MAP4K4: variants seen among roughly 807,000 people sequenced by gnomAD.
MAP4K4 encodes the protein mitogen-activated protein kinase kinase kinase kinase 4.
A neutral mutation model predicts 189.6 loss-of-function variants in MAP4K4; 38 were observed. That is an observed-to-expected ratio of 0.20 (90% confidence interval 0.15 to 0.26). The LOEUF is 0.26. Among genes scored for constraint, MAP4K4 ranks in the 10% least tolerant of loss-of-function variants. The probability of loss-of-function intolerance (pLI) is 1.00; values close to 1 mark genes in which losing one functional copy is unlikely to be tolerated. For missense variants in MAP4K4, 1,054 were observed against 1,726.9 expected, an observed-to-expected ratio of 0.61 and a Z score of 6.91; for synonymous variants, 610 against 624.3, an observed-to-expected ratio of 0.98 and a Z score of 0.34.
intron 3 of MAP4K4, among the ~76,000 whole-genome samples, chr2:101,822,520 T>C (rs1195979977): frequency 1.3e-5 from 2 of 152,220 alleles, no homozygotes; most frequent in Non-Finnish European, 2.9e-5. Context: ...TAACTGAAGT[T>C]CGTATTTTAA....
intron 2 of MAP4K4, among the ~76,000 whole-genome samples, chr2:101,775,643 A>C (rs1312404727): frequency 6.6e-6 from 1 of 152,082 alleles, no homozygotes; most frequent in Non-Finnish European, 1.5e-5. Context: ...GTGATTTGCC[A>C]TCTGTTTTAT....
intron 2 of MAP4K4, among the ~76,000 whole-genome samples, chr2:101,750,810 A>G (rs1017558434): frequency 6.6e-6 from 1 of 151,070 alleles, no homozygotes; most frequent in African/African-American, 2.4e-5. Context: ...TGGGTGACAG[A>G]GTAAGACCCT....
At chr2:101,811,631 A>G (rs1020209677) in intron 3 of MAP4K4, among the ~76,000 whole-genome samples, 1 of 151,952 alleles carries the variant, frequency 6.6e-6, no homozygotes, top group Non-Finnish European at 1.5e-5. Context: ...TTGACGAGCC[A>G]TCTCTCTCCC....
intron 2 of MAP4K4, among the ~76,000 whole-genome samples, chr2:101,733,376 G>T (rs2059266456): frequency 6.6e-6 from 1 of 152,226 alleles, no homozygotes; most frequent in African/African-American, 2.4e-5. Context: ...CAATCCATTA[G>T]CTGCATGGGG....
exon 1 of MAP4K4, chr2:101,698,054 T>C (rs2035237986): frequency 1.5e-6 from 2 of 1,319,508 alleles, no homozygotes; most frequent in Non-Finnish European, 2.0e-6. Flanking sequence ...TTTATTGTTA[T>C]TTGTTTTTTG....
At chr2:101,782,763 C>G (rs985661411) in intron 2 of MAP4K4, among the ~76,000 whole-genome samples, 1 of 152,196 alleles carries the variant, frequency 6.6e-6, no homozygotes, top group African/African-American at 2.4e-5. Flanking sequence ...TCTGAGCTGT[C>G]TCAGGTTGAT....
At chr2:101,867,598 T>C in intron 20 of MAP4K4, 1 of 347,758 alleles carries the variant, frequency 2.9e-6, no homozygotes, top group Non-Finnish European at 5.2e-6. Context: ...ATAGTTCTTA[T>C]TTAATGAAAT....
chr2:101,731,561 C>T (rs746688904), intron 2 of MAP4K4, among the ~76,000 whole-genome samples: 1 of 152,022 alleles, frequency 6.6e-6, no homozygotes. Context: ...AAGTTTGAGA[C>T]CAACCTGGGC....
intron 2 of MAP4K4, among the ~76,000 whole-genome samples, chr2:101,733,470 T>C (rs2059294511): frequency 6.6e-6 from 1 of 152,196 alleles, no homozygotes; most frequent in South Asian, 2.1e-4. Flanking sequence ...TCTTTGACCC[T>C]GACAGCGGGA....
chr2:101,806,308 G>A (rs574581889), intron 3 of MAP4K4, among the ~76,000 whole-genome samples: 2 of 151,816 alleles, frequency 1.3e-5, no homozygotes, highest in East Asian at 1.9e-4. Flanking sequence ...TCTTTCTTTC[G>A]TGAATGAGTG....
chr2:101,805,207 A>G (rs913191878), intron 3 of MAP4K4, among the ~76,000 whole-genome samples: 3 of 152,064 alleles, frequency 2.0e-5, no homozygotes, highest in African/African-American at 7.2e-5. Context: ...ATGGACCAGC[A>G]CCTAGATCAA....
intron 13 of MAP4K4, among the ~76,000 whole-genome samples, chr2:101,857,668 C>T (rs1328458749): frequency 1.3e-5 from 2 of 152,138 alleles, no homozygotes; most frequent in African/African-American, 4.8e-5. Flanking sequence ...CAGGTCAGAA[C>T]CAGATATGTT....
chr2:101,713,715 C>A (rs1045956607), intron 2 of MAP4K4, among the ~76,000 whole-genome samples: 1 of 134,754 alleles, frequency 7.4e-6, no homozygotes, highest in Admixed American at 7.5e-5. Flanking sequence ...ACCAGCATGG[C>A]GAAACCCCGT....
chr2:101,729,193 G>A (rs903242590), intron 2 of MAP4K4, among the ~76,000 whole-genome samples: 1 of 150,344 alleles, frequency 6.7e-6, no homozygotes. Flanking sequence ...AAATCTGCTC[G>A]ATGTTGTAGA....
intron 2 of MAP4K4, among the ~76,000 whole-genome samples, chr2:101,707,456 G>A (rs1216857307): frequency 6.6e-6 from 1 of 152,030 alleles, no homozygotes; most frequent in African/African-American, 2.4e-5. Context: ...TGATCCCCCT[G>A]CCTGGGCCTC....
At chr2:101,850,029 C>G (rs2097231551) in intron 12 of MAP4K4, among the ~76,000 whole-genome samples, 2 of 152,184 alleles carry the variant, frequency 1.3e-5, no homozygotes, top group Middle Eastern at 3.4e-3. Context: ...AAAAAAATTT[C>G]TTACATCTTT....
intron 2 of MAP4K4, among the ~76,000 whole-genome samples, chr2:101,765,889 T>C (rs182737663): frequency 6.6e-6 from 1 of 152,142 alleles, no homozygotes; most frequent in East Asian, 1.9e-4. Context: ...GTAGACCCGG[T>C]TGAATTTCTC....
chr2:101,769,095 A>G (rs1348663880), intron 2 of MAP4K4, among the ~76,000 whole-genome samples: 2 of 152,006 alleles, frequency 1.3e-5, no homozygotes, highest in Non-Finnish European at 2.9e-5. Flanking sequence ...TGTTTGTTAT[A>G]TGTTTGTTTG....
intron 2 of MAP4K4, among the ~76,000 whole-genome samples, chr2:101,775,245 G>A (rs1420257263): frequency 6.6e-6 from 1 of 151,568 alleles, no homozygotes; most frequent in Non-Finnish European, 1.5e-5. Flanking sequence ...AACAACATGG[G>A]GTGTTTGGCC....
Sources: allele counts gnomAD v4.1 joint callset (sites outside exome capture counted in the v4.1 genomes callset), GRCh38; gene constraint gnomAD v4.1.1; transcripts MANE v1.5; gene names NCBI Gene and HGNC (gene_info 2026-07-23, HGNC 2026-07-21).